TCAIM: variants seen among roughly 807,000 people sequenced by gnomAD.
TCAIM encodes T-cell activation inhibitor, mitochondrial.
Under a neutral mutation model 58.6 loss-of-function variants are expected in TCAIM, and 36 were observed. The ratio of observed to expected loss-of-function variants is 0.61; its 90% CI spans 0.47 to 0.81. The LOEUF is 0.81. TCAIM is among the 30% of genes least tolerant of loss of function. The probability of loss-of-function intolerance (pLI) is 0.00; values close to 1 mark genes in which losing one functional copy is unlikely to be tolerated. For missense variants in TCAIM, 466 were observed against 579.6 expected, an observed-to-expected ratio of 0.80 and a Z score of 2.01; for synonymous variants, 172 against 193.6, an observed-to-expected ratio of 0.89 and a Z score of 0.93.
chr3:44,393,467 T>C (rs1701872311), intron 6 of TCAIM, among the ~76,000 whole-genome samples: 1 of 152,152 alleles, frequency 6.6e-6, no homozygotes, highest in Non-Finnish European at 1.5e-5. Context: ...TCTCAATTTA[T>C]ATATATGTTA....
At chr3:44,342,901 C>A (rs192858907) in intron 1 of TCAIM, among the ~76,000 whole-genome samples, 19 of 152,010 alleles carry the variant, frequency 1.2e-4, no homozygotes, top group Admixed American at 1.2e-3. Flanking sequence ...CTTTGGGAGG[C>A]CGAGGAAGGA....
At chr3:44,382,968 A>G (rs1000998412) in intron 5 of TCAIM, among the ~76,000 whole-genome samples, 4 of 152,250 alleles carry the variant, frequency 2.6e-5, no homozygotes, top group African/African-American at 4.8e-5. Flanking sequence ...TAAATGGCCA[A>G]TAAGCACATG....
chr3:44,387,312 C>T (rs1701760191), intron 5 of TCAIM, among the ~76,000 whole-genome samples: 1 of 152,216 alleles, frequency 6.6e-6, no homozygotes, highest in African/African-American at 2.4e-5. Flanking sequence ...CTCCAGTTGT[C>T]CACATACTTC....
At chr3:44,389,222 G>A (rs9846322) in intron 5 of TCAIM, among the ~76,000 whole-genome samples, 2,170 of 152,252 alleles carry the variant, frequency 0.014, 50 homozygotes, top group African/African-American at 0.05. Flanking sequence ...CCCAGGAGGC[G>A]GAGGTTGCAG....
intron 10 of TCAIM, among the ~76,000 whole-genome samples, chr3:44,402,161 T>TC (rs1702030783): frequency 6.6e-6 from 1 of 152,072 alleles, no homozygotes; most frequent in Admixed American, 6.5e-5. Context: ...TCCCAGCACT[T>TC]TAGGAGGCCA....
At chr3:44,364,733 G>GA (rs1247891987) in intron 4 of TCAIM, among the ~76,000 whole-genome samples, 1 of 148,146 alleles carries the variant, frequency 6.8e-6, no homozygotes, top group Non-Finnish European at 1.5e-5. Context: ...GTGACAGAGT[G>GA]AGACCCTGTC....
chr3:44,384,939 A>G (rs1234159105), intron 5 of TCAIM, among the ~76,000 whole-genome samples: 1 of 152,214 alleles, frequency 6.6e-6, no homozygotes, highest in Non-Finnish European at 1.5e-5. Context: ...AGAAAATACT[A>G]ATAGGGACAT....
chr3:44,357,381 GAT>G, intron 2 of TCAIM, among the ~76,000 whole-genome samples: 1 of 39,896 alleles, frequency 2.5e-5, no homozygotes, highest in Non-Finnish European at 6.7e-5. Flanking sequence ...GATATAGACA[GAT>G]ATATATAGAA....
intron 3 of TCAIM, among the ~76,000 whole-genome samples, chr3:44,360,741 G>A (rs1383245320): frequency 2.0e-5 from 3 of 151,802 alleles, no homozygotes; most frequent in Non-Finnish European, 4.4e-5. Flanking sequence ...GAGTAGCTGG[G>A]ACCACAAGCA....
intron 8 of TCAIM, among the ~76,000 whole-genome samples, chr3:44,397,539 G>A (rs1298570880): frequency 6.6e-6 from 1 of 152,152 alleles, no homozygotes; most frequent in African/African-American, 2.4e-5. Context: ...TTCACCTGTT[G>A]ATGAACATAG....
intron 5 of TCAIM, among the ~76,000 whole-genome samples, chr3:44,391,635 G>A (rs1369055559): frequency 6.6e-6 from 1 of 152,208 alleles, no homozygotes; most frequent in African/African-American, 2.4e-5. Flanking sequence ...TTGGTTGGGT[G>A]GAAAGGAATG....
intron 9 of TCAIM, 132 bp from the exon 10 acceptor site, chr3:44,401,071 A>G (rs531546042): frequency 7.6e-6 from 10 of 1,307,950 alleles, no homozygotes; most frequent in African/African-American, 6.0e-5. Flanking sequence ...CTTTAAGTCA[A>G]TGTTGCTGTA....
intron 8 of TCAIM, 68 bp from the exon 9 acceptor site, chr3:44,400,287 G>A (rs1702000778): frequency 1.6e-6 from 2 of 1,221,874 alleles, no homozygotes; most frequent in Non-Finnish European, 2.3e-6. Context: ...CCATTTATTG[G>A]AATTCTAAAA....
Position 44,409,304 on chromosome 3 carries a change from T to G in TCAIM, c.*1622T>G, listed in dbSNP as rs1702146306. 1 of 152,220 alleles carries G rather than the reference T, an allele frequency of 6.6e-6. No individual in the cohort carries two copies. The highest frequency in any genetic ancestry group is 1.5e-5 in the Non-Finnish European group (1 of 68,036). The allele number at this position is 152,220 out of a possible 1,614,324, so 9.4% of individuals were successfully genotyped here. Reference sequence around the variant, plus strand: ...CCAAATAATGGGAGTGAAAAATTCCTTAAGTGTTATATAAGAAAATATATT... The same window carrying G: ...CCAAATAATGGGAGTGAAAAATTCCGTAAGTGTTATATAAGAAAATATATT... On this transcript the variant is annotated 3_prime_UTR_variant, in exon 11 of 11. Transcript: ENST00000342649.
At chr3:44,361,207 A>G (rs574730983) in intron 3 of TCAIM, among the ~76,000 whole-genome samples, 158 bp from the exon 4 acceptor site, 30 of 152,326 alleles carry the variant, frequency 2.0e-4, no homozygotes, top group African/African-American at 6.7e-4. Context: ...TGAGATGTAG[A>G]TCCAATTTTA....
At chr3:44,354,914 A>G (rs1701162564) in intron 2 of TCAIM, 103 bp downstream of exon 2, 3 of 1,350,888 alleles carry the variant, frequency 2.2e-6, no homozygotes. Flanking sequence ...TTCTGAAGTT[A>G]TATTATGGTG....
intron 3 of TCAIM, among the ~76,000 whole-genome samples, chr3:44,360,604 T>C (rs1245697980): frequency 6.6e-6 from 1 of 151,756 alleles, no homozygotes; most frequent in Non-Finnish European, 1.5e-5. Context: ...AATCTTTTTT[T>C]TTTTTTAATT....
intron 5 of TCAIM, among the ~76,000 whole-genome samples, chr3:44,385,499 T>C (rs1293893204): frequency 2.6e-5 from 4 of 152,150 alleles, no homozygotes; most frequent in Non-Finnish European, 5.9e-5. Context: ...CCCAGCACTT[T>C]GGGAGGCCGA....
intron 5 of TCAIM, among the ~76,000 whole-genome samples, chr3:44,390,581 C>G (rs368055196): frequency 6.6e-6 from 1 of 152,020 alleles, no homozygotes; most frequent in Non-Finnish European, 1.5e-5. Context: ...CATGATCACA[C>G]CAACCTATTC....
Sources: allele counts gnomAD v4.1 joint callset (sites outside exome capture counted in the v4.1 genomes callset), GRCh38; gene constraint gnomAD v4.1.1; transcripts MANE v1.5; gene names NCBI Gene and HGNC (gene_info 2026-07-23, HGNC 2026-07-21).